The following CDK5RAP2 variants were observed in gnomAD, a reference collection of about 807,000 sequenced individuals.
CDK5RAP2 encodes CDK5 regulatory subunit-associated protein 2.
In CDK5RAP2, 147 loss-of-function variants were observed where a neutral mutation model predicts 232.9. The ratio of observed to expected loss-of-function variants is 0.63; its 90% CI spans 0.55 to 0.72. The LOEUF (loss-of-function observed/expected upper bound fraction) is 0.72. CDK5RAP2 is among the 30% of genes least tolerant of loss of function. CDK5RAP2 has a pLI of 0.00. For synonymous variants in CDK5RAP2, 833 were observed against 833.7 expected (o/e 1.00, Z 0.01); for missense variants, 2,195 against 2,231.5 (o/e 0.98, Z 0.33).
At position 120,518,165 on chromosome 9, in the gene CDK5RAP2, CTGTGTG is replaced by C. The variant is rs56032707; in HGVS notation, c.1311+256_1311+261del. Among the ~76,000 whole-genome samples, 324 of 111,236 alleles carry C rather than the reference CTGTGTG, an allele frequency of 2.9e-3. 1 individual carries two copies. Among genetic ancestry groups the C allele is most frequent in the Middle Eastern group, 4.6e-3 (1 of 218 alleles). 73.0% of individuals were successfully genotyped at this position (111,236 alleles called of 152,430 possible). A position where few individuals can be genotyped will look rare whatever the true frequency, so the allele number is the denominator to read the frequency against. ...CTGTATTTTCAACTCGATAACAACTCTGTGTGTGTGTGTGTGTGTGTGTGTGTGTGT... is the reference window on the plus strand; with the variant it reads ...CTGTATTTTCAACTCGATAACAACTCTGTGTGTGTGTGTGTGTGTGTGTGT... On this transcript the variant is annotated intron_variant, in intron 12 of 37. Coordinates refer to ENST00000349780, the MANE Select transcript of CDK5RAP2 (RefSeq NM_018249.6).
Position 120,403,091 on chromosome 9 carries a change from A to G in CDK5RAP2, c.5042-20T>C. 6.2e-7 allele frequency: 1 copy of G among 1,613,488 alleles called. No homozygotes were observed. The highest frequency in any genetic ancestry group is 8.5e-7 in the Non-Finnish European group (1 of 1,179,454). On this transcript the variant is annotated intron_variant, in intron 33 of 37. Coordinates refer to ENST00000349780, the MANE Select transcript of CDK5RAP2 (RefSeq NM_018249.6). This position sits in a 1 kb window ranked among gnomAD's most constrained non-coding sequence, Gnocchi z 4.2. ...CTGAAACTGTAAAATGAGAAGTAGG[A>G]TGTAAAATCTGTTTCAGGTAACACT...
At chr9:120,498,623 C>A (rs766438144) in intron 12 of CDK5RAP2, among the ~76,000 whole-genome samples, 1 of 152,056 alleles carries the variant, frequency 6.6e-6, no homozygotes, top group Non-Finnish European at 1.5e-5. Flanking sequence ...CACAGTAATG[C>A]AAAATGTTAA....
chr9:120,461,018 T>C (rs560282650), intron 18 of CDK5RAP2, among the ~76,000 whole-genome samples: 103 of 152,342 alleles, frequency 6.8e-4, no homozygotes, highest in African/African-American at 2.4e-3. Flanking sequence ...AAATTCACTT[T>C]CAGATTATAT....
At chr9:120,394,033 T>C (rs2032236953) in intron 36 of CDK5RAP2, among the ~76,000 whole-genome samples, 1 of 152,200 alleles carries the variant, frequency 6.6e-6, no homozygotes, top group Admixed American at 6.5e-5. Context: ...TTTGCAGCCT[T>C]TACCCCACAG....
In CDK5RAP2 at chr9:120,389,229, G is replaced by A; in HGVS notation, c.*7C>T. 3 of 1,611,334 alleles carry A rather than the reference G, an allele frequency of 1.9e-6. No homozygotes were observed. The highest frequency in any genetic ancestry group is 1.7e-4 in the Middle Eastern group (1 of 6,030). On this transcript the variant is annotated 3_prime_UTR_variant, in exon 38 of 38. Coordinates refer to ENST00000349780, the MANE Select transcript of CDK5RAP2 (RefSeq NM_018249.6). ...GAAGCACAAGCTTTATTGGCTGAAA[G>A]TTCTTCTCAGGAGCCTGGTCTGCTG...
At chr9:120,401,064 G>T in intron 34 of CDK5RAP2, 179 bp from the exon 35 acceptor site, 1 of 637,640 alleles carries the variant, frequency 1.6e-6, no homozygotes, top group South Asian at 1.9e-5. Context: ...TGTAGATTAT[G>T]AGAGAATTTC....
intron 3 of CDK5RAP2, among the ~76,000 whole-genome samples, chr9:120,557,435 T>C (rs1359621687): frequency 3.9e-5 from 6 of 152,134 alleles, no homozygotes; most frequent in African/African-American, 1.4e-4. Flanking sequence ...TAGCCAATGG[T>C]TGGCAGAATA....
At chr9:120,503,156 T>C (rs1034037027) in intron 12 of CDK5RAP2, among the ~76,000 whole-genome samples, 16 of 152,208 alleles carry the variant, frequency 1.1e-4, no homozygotes, top group African/African-American at 3.6e-4. Context: ...AAAACCACTC[T>C]GTGACATAGG....
At chr9:120,444,355 C>T (rs2036068508) in intron 22 of CDK5RAP2, among the ~76,000 whole-genome samples, 1 of 152,254 alleles carries the variant, frequency 6.6e-6, no homozygotes, top group African/African-American at 2.4e-5. Flanking sequence ...AATCTTTCCT[C>T]CATGAAGGTC....
At chr9:120,573,546 C>G (rs1022669735) in intron 1 of CDK5RAP2, among the ~76,000 whole-genome samples, 15 of 142,538 alleles carry the variant, frequency 1.1e-4, no homozygotes, top group African/African-American at 3.9e-4. Context: ...GAGACTCCAT[C>G]TCAAAAAAAA....
intron 4 of CDK5RAP2, among the ~76,000 whole-genome samples, chr9:120,548,378 A>C (rs973115119): frequency 7.9e-5 from 12 of 152,252 alleles, no homozygotes; most frequent in African/African-American, 2.4e-4. Context: ...ATTTAAAAGA[A>C]TGAATGCTAA....
rs1322944366 is a variant in CDK5RAP2 at position 120,518,617 on chromosome 9, G to C, written c.1121C>G (p.Ser374Ter). 1 of 1,613,512 alleles carries C rather than the reference G, an allele frequency of 6.2e-7. No individual in the cohort carries two copies. The highest frequency in any genetic ancestry group is 8.5e-7 in the Non-Finnish European group (1 of 1,179,946). The part of the protein sequence containing the change: ...QGSEDYETAL[S>*]GKEALSAALR... ...CGCAGCCGAAAGGGCTTCCTTTCCT[G>C]ATAGAGCAGTCTCATAGTCTTCAGA... The change falls in exon 12 of 38, where the codon TCA becomes TGA. Residue 374 changes from serine (S) to a stop codon, truncating the protein, a stop_gained. Transcript: ENST00000349780. LOFTEE classifies it high-confidence loss of function.
At chr9:120,514,392 C>T (rs921171021) in intron 12 of CDK5RAP2, among the ~76,000 whole-genome samples, 4 of 152,166 alleles carry the variant, frequency 2.6e-5, no homozygotes, top group Non-Finnish European at 5.9e-5. Flanking sequence ...ACACACCCTT[C>T]TGCCAAGGCA....
chr9:120,443,877 T>C, intron 22 of CDK5RAP2, 135 bp from the exon 23 acceptor site: 1 of 1,109,770 alleles, frequency 9.0e-7, no homozygotes, highest in South Asian at 1.4e-5. Flanking sequence ...ATTTATAAGA[T>C]AAAATTAATC....
chr9:120,547,696 A>T (rs770534989), intron 4 of CDK5RAP2, among the ~76,000 whole-genome samples: 1 of 152,138 alleles, frequency 6.6e-6, no homozygotes, highest in Non-Finnish European at 1.5e-5. Context: ...CAAGTACTTC[A>T]CGTTGAGAAG....
intron 5 of CDK5RAP2, among the ~76,000 whole-genome samples, chr9:120,540,983 G>A (rs2041608695): frequency 6.6e-6 from 1 of 152,176 alleles, no homozygotes; most frequent in African/African-American, 2.4e-5. Flanking sequence ...CACTCCCGGG[G>A]CTCATTTTTG....
At chr9:120,546,242 CAT>C (rs1020252312) in intron 4 of CDK5RAP2, among the ~76,000 whole-genome samples, 20 of 152,176 alleles carry the variant, frequency 1.3e-4, no homozygotes, top group Admixed American at 7.2e-4. Context: ...AAAAATAAAA[CAT>C]GTGGATGGAA....
At chr9:120,470,011 G>T in intron 17 of CDK5RAP2, 100 bp downstream of exon 17, 1 of 683,382 alleles carries the variant, frequency 1.5e-6, no homozygotes, top group Non-Finnish European at 2.7e-6. Flanking sequence ...GAAGGAAGGA[G>T]AGAGGCCTTC....
In CDK5RAP2 at chr9:120,471,710, G is replaced by A. The variant is rs771496541; in HGVS notation, c.1858+38C>T. ...AAGTTCAGTCCATGCCCTCCAAGTG[G>A]AAAAACCAAAGAGAAGCACATAGAA... On this transcript the variant is annotated intron_variant, in intron 16 of 37. Transcript: ENST00000349780. 7 of 1,613,664 alleles carry A rather than the reference G, an allele frequency of 4.3e-6. No homozygotes were observed. The South Asian group carries it at 4.4e-5, about 10-fold the overall frequency.
Sources: allele counts gnomAD v4.1 joint callset (sites outside exome capture counted in the v4.1 genomes callset), GRCh38; gene constraint gnomAD v4.1.1; non-coding constraint Gnocchi (gnomAD v3.1); transcripts MANE v1.5; gene names NCBI Gene and HGNC (gene_info 2026-07-23, HGNC 2026-07-21).